The following PRKAG2 variants were observed in gnomAD, a reference collection of about 807,000 sequenced individuals.
PRKAG2 encodes the protein protein kinase AMP-activated non-catalytic subunit gamma 2.
PRKAG2 carries 26 observed loss-of-function variants against 69.6 expected under a neutral mutation model. That is an observed-to-expected ratio of 0.37 (90% CI 0.27 to 0.52). The LOEUF is 0.52. PRKAG2 is among the 20% of genes least tolerant of loss of function. The pLI is 0.90. For missense variants in PRKAG2, 557 were observed against 740.0 expected, an observed-to-expected ratio of 0.75 and a Z score of 2.87; for synonymous variants, 293 against 285.0, an observed-to-expected ratio of 1.03 and a Z score of -0.28.
intron 15 of PRKAG2, chr7:151,559,930 C>G: frequency 1.0e-6 from 1 of 985,338 alleles, no homozygotes; most frequent in East Asian, 1.1e-4. Flanking sequence ...GAGAGGAAGG[C>G]CAGCTCCTCT....
chr7:151,845,728 T>G (rs1291209648), intron 1 of PRKAG2, among the ~76,000 whole-genome samples: 2 of 152,268 alleles, frequency 1.3e-5, no homozygotes, highest in East Asian at 3.9e-4. Context: ...CGGCAGGTAG[T>G]GGGAGCCGCA....
chr7:151,830,607 C>A (rs1221154238), intron 1 of PRKAG2, among the ~76,000 whole-genome samples: 1 of 151,878 alleles, frequency 6.6e-6, no homozygotes, highest in East Asian at 1.9e-4. Context: ...TCCATCTGTG[C>A]CTCCCCGGCC....
rs561587195 is a variant in PRKAG2, at chr7:151,774,680, G to A, written c.466+6472C>T. Among the ~76,000 whole-genome samples, 7 of 152,110 alleles carry A rather than the reference G, an allele frequency of 4.6e-5. No homozygotes were observed. In the South Asian group the frequency reaches 1.2e-3, roughly 27 times the overall value. Reference sequence around the variant, plus strand: ...AAATTAGCCAGGTGTGGTGGCGGGCGCCTGTAATCCCAGCTACACAGGAGG... The same window carrying A: ...AAATTAGCCAGGTGTGGTGGCGGGCACCTGTAATCCCAGCTACACAGGAGG... On this transcript the variant is annotated intron_variant, in intron 3 of 15. Coordinates refer to ENST00000287878, the MANE Select transcript of PRKAG2 (RefSeq NM_016203.4).
chr7:151,855,063 C>G (rs1361168272), intron 1 of PRKAG2, among the ~76,000 whole-genome samples: 8 of 42,272 alleles, frequency 1.9e-4, no homozygotes, highest in African/African-American at 5.4e-4. Flanking sequence ...CACACACCAT[C>G]CTCCACACAC....
At chr7:151,654,547 A>T (rs552231923) in intron 4 of PRKAG2, among the ~76,000 whole-genome samples, 5 of 152,314 alleles carry the variant, frequency 3.3e-5, no homozygotes, top group African/African-American at 1.2e-4. Flanking sequence ...GAGCCAAACC[A>T]TATAGTGTAC....
chr7:151,866,756 G>A (rs1363238063), intron 1 of PRKAG2, among the ~76,000 whole-genome samples: 1 of 152,138 alleles, frequency 6.6e-6, no homozygotes, highest in Non-Finnish European at 1.5e-5. Flanking sequence ...TGAGTAAATG[G>A]TTTCCACATT....
chr7:151,610,381 C>T lies in PRKAG2; in HGVS notation c.755-14927G>A, dbSNP rs368337543. 6.8e-4 allele frequency among the ~76,000 whole-genome samples: 103 copies of T among 151,072 alleles called. 1 individual carries two copies. In the Middle Eastern group the frequency reaches 0.031, roughly 46 times the overall value. ...GAGTCTTCATTTCAAAACAAACAAA[C>T]AAACATTTTAGTGTGGGCTGGGCGC... On this transcript the variant is annotated intron_variant, in intron 5 of 15. Coordinates refer to ENST00000287878, the MANE Select transcript of PRKAG2 (RefSeq NM_016203.4).
At chr7:151,601,613 G>T (rs1248625093) in intron 5 of PRKAG2, among the ~76,000 whole-genome samples, 1 of 152,136 alleles carries the variant, frequency 6.6e-6, no homozygotes, top group Admixed American at 6.5e-5. Context: ...GAACTGTCTC[G>T]TGGGAGGACC....
intron 3 of PRKAG2, among the ~76,000 whole-genome samples, chr7:151,689,796 T>G (rs1835373609): frequency 6.6e-6 from 1 of 152,144 alleles, no homozygotes; most frequent in Non-Finnish European, 1.5e-5. Context: ...CAGGTGCCAG[T>G]GAGACGGGTT....
chr7:151,556,593 A>C lies in PRKAG2; in HGVS notation c.*608T>G, dbSNP rs1803834225. The C allele has an allele frequency of 1.3e-5, 2 of 152,558 alleles. No individual in the cohort carries two copies. The highest frequency in any genetic ancestry group is 4.1e-4 in the South Asian group (2 of 4,838). The allele number at this position is 152,558 out of a possible 1,614,324, so 9.5% of individuals were successfully genotyped here. On this transcript the variant is annotated 3_prime_UTR_variant, in exon 16 of 16. Coordinates refer to ENST00000287878, the MANE Select transcript of PRKAG2 (RefSeq NM_016203.4). ...AAAAGATGTGTAAAAAAATTGCATGAAAGTAAAAATAAATAAAGCTGTTGT... is the reference window on the plus strand; with the variant it reads ...AAAAGATGTGTAAAAAAATTGCATGCAAGTAAAAATAAATAAAGCTGTTGT...
At chr7:151,860,528 C>T (rs192879772) in intron 1 of PRKAG2, among the ~76,000 whole-genome samples, 3 of 152,166 alleles carry the variant, frequency 2.0e-5, no homozygotes, top group East Asian at 1.9e-4. Flanking sequence ...TGGGAATGAA[C>T]CAACCACAAG....
At chr7:151,809,203 G>A (rs2078287898) in intron 1 of PRKAG2, 1 of 456,448 alleles carries the variant, frequency 2.2e-6, no homozygotes, top group Non-Finnish European at 4.4e-6. Flanking sequence ...ATCCCAAGAG[G>A]GGTGAGTGGG....
chr7:151,766,006 T>C (rs542711016), intron 3 of PRKAG2, among the ~76,000 whole-genome samples: 17 of 152,326 alleles, frequency 1.1e-4, no homozygotes, highest in African/African-American at 4.1e-4. Context: ...TTTGAGTGGC[T>C]ATTGTGTGCA....
At chr7:151,700,288 G>A (rs561639599) in intron 3 of PRKAG2, among the ~76,000 whole-genome samples, 11 of 152,126 alleles carry the variant, frequency 7.2e-5, no homozygotes, top group South Asian at 2.1e-4. Flanking sequence ...CCCAGCCCTC[G>A]TGGAGCTCAG....
intron 3 of PRKAG2, among the ~76,000 whole-genome samples, chr7:151,765,758 A>C (rs371304522): frequency 1.3e-5 from 2 of 152,208 alleles, no homozygotes; most frequent in Admixed American, 6.5e-5. Flanking sequence ...TACAACCCTT[A>C]ACAGTTACTA....
intron 1 of PRKAG2, among the ~76,000 whole-genome samples, chr7:151,815,936 G>C (rs967186796): frequency 2.0e-5 from 3 of 152,184 alleles, no homozygotes; most frequent in Non-Finnish European, 4.4e-5. Context: ...CTTCTTCCAC[G>C]AGCCTGTGAC....
intron 1 of PRKAG2, among the ~76,000 whole-genome samples, chr7:151,841,474 G>A: frequency 6.6e-6 from 1 of 150,806 alleles, no homozygotes; most frequent in African/African-American, 2.4e-5. Context: ...AGTGATGGTA[G>A]GTAATGATGA....
chr7:151,876,351 G>T (rs567346209), intron 1 of PRKAG2, among the ~76,000 whole-genome samples, 156 bp downstream of exon 1: 17 of 152,178 alleles, frequency 1.1e-4, no homozygotes, highest in Middle Eastern at 3.4e-3. Flanking sequence ...CGCCAGCCCA[G>T]CTCGGGCCCT....
At chr7:151,584,136 T>C (rs1811098123) in intron 6 of PRKAG2, among the ~76,000 whole-genome samples, 1 of 152,210 alleles carries the variant, frequency 6.6e-6, no homozygotes, top group Admixed American at 6.5e-5. Flanking sequence ...CCCTCCTCCC[T>C]GAACTCATCT....
Sources: allele counts gnomAD v4.1 joint callset (sites outside exome capture counted in the v4.1 genomes callset), GRCh38; gene constraint gnomAD v4.1.1; transcripts MANE v1.5; gene names NCBI Gene and HGNC (gene_info 2026-07-23, HGNC 2026-07-21).